AKAP6: variants seen among roughly 807,000 people sequenced by gnomAD.
AKAP6 encodes the protein A-kinase anchor protein 6.
AKAP6 carries 58 observed loss-of-function variants against 188.5 expected under a neutral mutation model. The observed-to-expected ratio is 0.31, with a 90% CI of 0.25 to 0.38. AKAP6 has a LOEUF of 0.38. Ranked by LOEUF, AKAP6 falls within the 10% of genes least tolerant of loss-of-function variation. AKAP6 has a pLI of 1.00. For missense variants in AKAP6, 2,710 were observed against 2,740.0 expected (o/e 0.99, Z 0.24); for synonymous variants, 989 against 998.6 (o/e 0.99, Z 0.18).
rs778177099 is a variant in AKAP6 at position 32,735,694 on chromosome 14, G to T, written c.3184G>T (p.Gly1062Trp). The stretch of plus-strand genomic sequence containing the variant: ...AGAGAAGATCCAGGACACAATGGCA[G>T]GGCACAGTGGGTCGAGTCCACGTGA... ...LGEKIQDTMA[G>W]HSGSSPRDLL... The change falls in exon 11 of 14, where the codon GGG (glycine) becomes TGG (tryptophan). Residue 1062 changes from glycine to tryptophan, a missense_variant. Gly to Trp is a radical substitution (Grantham distance 184, BLOSUM62 -2). Around this residue, in one of 2 missense-constraint regions of AKAP6, gnomAD observed 2,473 missense variants for 2,426.1 expected, o/e 1.02. Coordinates refer to ENST00000280979, the MANE Select transcript of AKAP6 (RefSeq NM_004274.5). 8.1e-6 allele frequency: 13 copies of T among 1,612,892 alleles called. No homozygotes were observed. The South Asian group carries it at 1.1e-4, about 14-fold the overall frequency.
chr14:32,543,885 G>T (rs1201331973), intron 3 of AKAP6, among the ~76,000 whole-genome samples: 2 of 152,146 alleles, frequency 1.3e-5, no homozygotes, highest in South Asian at 4.1e-4. Flanking sequence ...AAATGAAAAA[G>T]TAATTGTAGT....
In AKAP6 at chr14:32,786,312, T is replaced by A. The variant is rs1259911020; in HGVS notation, c.3588+12419T>A. ...TAAACCTTTATCTTTTTTTTTTTTT[T>A]TTTTTTTTTTTTTGAGACGGAATCT... On this transcript the variant is annotated intron_variant, in intron 12 of 13. Transcript: ENST00000280979. Among the ~76,000 whole-genome samples, 95 of 90,290 alleles carry A rather than the reference T, an allele frequency of 1.1e-3. 7 individuals are homozygous for A. The highest frequency in any genetic ancestry group is 7.1e-3 in the East Asian group (28 of 3,940). 59.2% of individuals were successfully genotyped at this position (90,290 alleles called of 152,430 possible).
At chr14:32,814,015 T>G (rs1018466240) in intron 12 of AKAP6, among the ~76,000 whole-genome samples, 5 of 152,104 alleles carry the variant, frequency 3.3e-5, no homozygotes, top group African/African-American at 1.2e-4. Context: ...TGTGTTCTCC[T>G]TCCAAGACTG....
At chr14:32,488,267 C>T (rs1036301196) in intron 2 of AKAP6, among the ~76,000 whole-genome samples, 1 of 152,172 alleles carries the variant, frequency 6.6e-6, no homozygotes, top group African/African-American at 2.4e-5. Context: ...GCCACAGCAG[C>T]TTTTGAGAGC....
intron 10 of AKAP6, 92 bp from the exon 11 acceptor site, chr14:32,735,566 C>G: frequency 2.1e-6 from 2 of 972,862 alleles, no homozygotes; most frequent in Non-Finnish European, 1.5e-6. Context: ...TTTTTGGTAC[C>G]TAAGTTAATC....
chr14:32,376,917 A>G (rs1053746042), intron 1 of AKAP6, among the ~76,000 whole-genome samples: 5 of 151,874 alleles, frequency 3.3e-5, no homozygotes, highest in African/African-American at 1.2e-4. Flanking sequence ...GGCTGGTCTT[A>G]CTCCTGACCG....
intron 1 of AKAP6, among the ~76,000 whole-genome samples, chr14:32,361,729 C>T (rs1338519139): frequency 6.6e-6 from 1 of 152,156 alleles, no homozygotes; most frequent in African/African-American, 2.4e-5. Flanking sequence ...GACCAGAGCT[C>T]ACTTGGGCTA....
chr14:32,744,546 G>C (rs1159477670), intron 11 of AKAP6, among the ~76,000 whole-genome samples: 2 of 152,046 alleles, frequency 1.3e-5, no homozygotes, highest in East Asian at 3.9e-4. Flanking sequence ...TCGATCTCCT[G>C]ACCTCGTGAT....
At position 32,747,584 on chromosome 14, in the gene AKAP6, G is replaced by A. The variant is rs151048868; in HGVS notation, c.3372+11702G>A. ...TTTCCCCACCACATATTAAAAACCC[G>A]TCACCTAACACTTCTTTGGAAATAA... On this transcript the variant is annotated intron_variant, in intron 11 of 13. Transcript: ENST00000280979. 1.3e-4 allele frequency among the ~76,000 whole-genome samples: 20 copies of A among 152,162 alleles called. No individual in the cohort carries two copies. In the East Asian group the frequency reaches 2.1e-3, roughly 16 times the overall value.
chr14:32,681,409 G>A (rs142434675), intron 8 of AKAP6, among the ~76,000 whole-genome samples: 1 of 152,134 alleles, frequency 6.6e-6, no homozygotes, highest in Non-Finnish European at 1.5e-5. Context: ...CCTCGACTCA[G>A]CACTCTGGGT....
At chr14:32,557,179 G>A (rs1397878999) in intron 4 of AKAP6, among the ~76,000 whole-genome samples, 2 of 152,092 alleles carry the variant, frequency 1.3e-5, no homozygotes, top group African/African-American at 4.8e-5. Context: ...TCCACCTCCT[G>A]GAGCTTAGTT....
At chr14:32,762,245 A>C (rs929213090) in intron 11 of AKAP6, among the ~76,000 whole-genome samples, 1 of 152,012 alleles carries the variant, frequency 6.6e-6, no homozygotes, top group Non-Finnish European at 1.5e-5. Context: ...TTCCAGGGAG[A>C]CTCTGTAATA....
chr14:32,570,124 CTTTTTTTTTTTT>C (rs60851991), intron 4 of AKAP6, among the ~76,000 whole-genome samples: 1 of 74,810 alleles, frequency 1.3e-5, no homozygotes, highest in Non-Finnish European at 2.3e-5. Context: ...TGTGTGGGAA[CTTTTTTTTTTTT>C]TTTTTTTTTT....
chr14:32,816,623 A>T (rs1231801505), intron 12 of AKAP6, among the ~76,000 whole-genome samples: 26 of 152,190 alleles, frequency 1.7e-4, no homozygotes, highest in Admixed American at 1.7e-3. Flanking sequence ...AGAGTATAGA[A>T]TGTTGGCATT....
At chr14:32,761,371 A>G (rs1335407150) in intron 11 of AKAP6, among the ~76,000 whole-genome samples, 4 of 152,150 alleles carry the variant, frequency 2.6e-5, no homozygotes, top group East Asian at 1.9e-4. Flanking sequence ...ACCTTTTCCT[A>G]GCGTTTATAC....
At chr14:32,455,381 A>G (rs184395502) in intron 2 of AKAP6, among the ~76,000 whole-genome samples, 5 of 152,340 alleles carry the variant, frequency 3.3e-5, no homozygotes, top group South Asian at 2.1e-4. Flanking sequence ...ATAAATAGGC[A>G]TATAATTTTA....
At chr14:32,449,521 C>CA (rs33960351) in intron 2 of AKAP6, among the ~76,000 whole-genome samples, 2,995 of 104,256 alleles carry the variant, frequency 0.029, 50 homozygotes, top group African/African-American at 0.048. Context: ...GACTCCATCT[C>CA]AAAAAAAAAA....
intron 7 of AKAP6, among the ~76,000 whole-genome samples, chr14:32,661,022 C>T (rs1888676327): frequency 7.0e-6 from 1 of 143,578 alleles, no homozygotes; most frequent in South Asian, 2.3e-4. Context: ...CTTTTCATGA[C>T]CTCTCTATCT....
intron 1 of AKAP6, among the ~76,000 whole-genome samples, chr14:32,349,444 G>A (rs888942031): frequency 6.6e-6 from 1 of 152,216 alleles, no homozygotes; most frequent in African/African-American, 2.4e-5. Flanking sequence ...CCAGAGGATG[G>A]AGAGCGTCTA....
Sources: gnomAD v4.1 joint callset for allele counts (sites outside exome capture counted in the v4.1 genomes callset) on GRCh38, gnomAD v4.1.1 for gene constraint, gnomAD v4.1.1 regional missense constraint, MANE v1.5 for transcripts, NCBI Gene and HGNC (gene_info 2026-07-23, HGNC 2026-07-21) for gene names.